PLXNA4: variants seen among roughly 807,000 people sequenced by gnomAD.
PLXNA4 encodes plexin-A4.
In PLXNA4, 44 loss-of-function variants were observed where a neutral mutation model predicts 191.8. That is an observed-to-expected ratio of 0.23 (90% CI 0.18 to 0.29). The LOEUF (loss-of-function observed/expected upper bound fraction) is 0.29. Ranked by LOEUF, PLXNA4 falls within the 10% of genes least tolerant of loss-of-function variation. The pLI, the probability that PLXNA4 is intolerant of heterozygous loss-of-function variation, is 1.00. For synonymous variants in PLXNA4, 1,082 were observed against 1,009.5 expected (o/e 1.07, Z -1.36); for missense variants, 1,800 against 2,488.8 (o/e 0.72, Z 5.89).
chr7:132,309,318 T>C (rs563000281), intron 3 of PLXNA4, among the ~76,000 whole-genome samples: 1 of 152,108 alleles, frequency 6.6e-6, no homozygotes, highest in South Asian at 2.1e-4. Context: ...CCAGGGAGGA[T>C]GGAGGGCAGA....
At chr7:132,198,355 A>T (rs1797318060) in intron 13 of PLXNA4, 130 bp downstream of exon 13, 21 of 1,333,126 alleles carry the variant, frequency 1.6e-5, no homozygotes, top group Non-Finnish European at 2.1e-5. Context: ...CCAACTCTAA[A>T]ATATTGGGGT....
intron 2 of PLXNA4, among the ~76,000 whole-genome samples, chr7:132,606,413 T>C (rs1046919148): frequency 2.0e-4 from 30 of 152,228 alleles, no homozygotes; most frequent in Admixed American, 2.0e-3. Context: ...TTGAGCAGGT[T>C]AGGGTAACAA....
intron 3 of PLXNA4, among the ~76,000 whole-genome samples, chr7:132,391,146 A>G (rs889270838): frequency 9.9e-5 from 15 of 152,176 alleles, no homozygotes; most frequent in Admixed American, 4.6e-4. Flanking sequence ...AGGAGGACGG[A>G]AGGGTACCAG....
intron 2 of PLXNA4, among the ~76,000 whole-genome samples, chr7:132,621,888 A>G (rs1471317666): frequency 1.3e-5 from 2 of 152,222 alleles, no homozygotes; most frequent in Admixed American, 1.3e-4. Flanking sequence ...TGGAAAGTCA[A>G]CTACATTGCT....
intron 9 of PLXNA4, among the ~76,000 whole-genome samples, chr7:132,212,424 C>T (rs1268172369): frequency 6.6e-6 from 1 of 152,174 alleles, no homozygotes; most frequent in Non-Finnish European, 1.5e-5. Context: ...GCGAGTTACA[C>T]CATAACAAGA....
At chr7:132,636,918 G>A (rs1803619881) in intron 2 of PLXNA4, among the ~76,000 whole-genome samples, 1 of 152,138 alleles carries the variant, frequency 6.6e-6, no homozygotes, top group Non-Finnish European at 1.5e-5. Flanking sequence ...TGCAGGAGGT[G>A]GGGAGGTGGG....
intron 2 of PLXNA4, among the ~76,000 whole-genome samples, chr7:132,596,875 A>AAC (rs1358594499): frequency 6.6e-6 from 1 of 151,750 alleles, no homozygotes; most frequent in Non-Finnish European, 1.5e-5. Flanking sequence ...GAAAAAAAAA[A>AAC]AAACAGCATG....
chr7:132,162,851 C>T (rs1261216725), intron 24 of PLXNA4, among the ~76,000 whole-genome samples: 1 of 152,088 alleles, frequency 6.6e-6, no homozygotes, highest in African/African-American at 2.4e-5. Context: ...TCACAGCCTT[C>T]CCAGCCAGCA....
rs548182765 is a variant in PLXNA4, at chr7:132,470,549, C to T, written c.1371+18743G>A. ...TCCACATCCTAATCCTCAGAACTTG[C>T]GAATAGGTTACCTAACATGGCAAAA... is the stretch of plus-strand genomic sequence containing the variant. On this transcript the variant is annotated intron_variant, in intron 3 of 31. Coordinates refer to ENST00000321063, the MANE Select transcript of PLXNA4 (RefSeq NM_020911.2). Among the ~76,000 whole-genome samples, 5 of 152,208 alleles carry T rather than the reference C, an allele frequency of 3.3e-5. No homozygotes were observed. In the South Asian group the frequency reaches 6.2e-4, roughly 19 times the overall value.
At position 132,471,802 on chromosome 7, in the gene PLXNA4, C is replaced by T. The variant is rs533052010; in HGVS notation, c.1371+17490G>A. On this transcript the variant is annotated intron_variant, in intron 3 of 31. Coordinates refer to ENST00000321063, the MANE Select transcript of PLXNA4 (RefSeq NM_020911.2). ...ACATATGGACTTGTAAAACACCAGC[C>T]ACCTCGCTTTCCATACCAAACAACA... Among the ~76,000 whole-genome samples the T allele has an allele frequency of 3.3e-5, 5 of 152,278 alleles. No homozygotes were observed. In the South Asian group the frequency reaches 6.2e-4, roughly 19 times the overall value.
intron 2 of PLXNA4, among the ~76,000 whole-genome samples, chr7:132,503,225 G>C (rs1313243074): frequency 6.6e-6 from 1 of 152,142 alleles, no homozygotes; most frequent in Non-Finnish European, 1.5e-5. Context: ...CCTCCACTGT[G>C]TGGGCTCCTG....
chr7:132,376,182 T>C (rs898463931), intron 3 of PLXNA4, among the ~76,000 whole-genome samples: 1 of 152,098 alleles, frequency 6.6e-6, no homozygotes, highest in African/African-American at 2.4e-5. Context: ...TGTGAAAAGG[T>C]CTCATCAATC....
intron 3 of PLXNA4, among the ~76,000 whole-genome samples, chr7:132,425,825 C>T (rs191554855): frequency 2.0e-5 from 3 of 152,286 alleles, no homozygotes; most frequent in East Asian, 1.9e-4. Flanking sequence ...GAGGTGGGGG[C>T]GGGAGCTGGG....
At chr7:132,203,900 T>A (rs943260160) in intron 10 of PLXNA4, among the ~76,000 whole-genome samples, 1 of 152,130 alleles carries the variant, frequency 6.6e-6, no homozygotes, top group African/African-American at 2.4e-5. Flanking sequence ...GTGGATGCTT[T>A]ACCAAAGACC....
In PLXNA4 at chr7:132,173,396, A is replaced by C. The variant is rs568024983; in HGVS notation, c.4017+1382T>G. 2.0e-4 allele frequency among the ~76,000 whole-genome samples: 31 copies of C among 152,276 alleles called. No individual in the cohort carries two copies. In the South Asian group the frequency reaches 5.8e-3, roughly 29 times the overall value. ...ATGCATGCACACATACACGCACACA[A>C]ACACACATATAGACAGAGAGAAAAG... On this transcript the variant is annotated intron_variant, in intron 21 of 31. Coordinates refer to ENST00000321063, the MANE Select transcript of PLXNA4 (RefSeq NM_020911.2).
intron 1 of PLXNA4, among the ~76,000 whole-genome samples, chr7:132,571,390 C>T (rs1271996998): frequency 6.6e-6 from 1 of 152,208 alleles, no homozygotes; most frequent in African/African-American, 2.4e-5. Context: ...TCCGTTGGCA[C>T]CAACATGCGA....
At chr7:132,582,310 C>T (rs577349647) in intron 2 of PLXNA4, among the ~76,000 whole-genome samples, 2 of 152,272 alleles carry the variant, frequency 1.3e-5, no homozygotes, top group South Asian at 2.1e-4. Flanking sequence ...GGGTTGAATG[C>T]TCTTGCCTGG....
At chr7:132,415,330 T>G (rs1563085942) in intron 3 of PLXNA4, among the ~76,000 whole-genome samples, 1 of 152,190 alleles carries the variant, frequency 6.6e-6, no homozygotes, top group Non-Finnish European at 1.5e-5. Context: ...CTGTCTGCTT[T>G]ATAAGACGTG....
chr7:132,347,832 CT>C (rs1358594314), intron 3 of PLXNA4, among the ~76,000 whole-genome samples: 1 of 152,164 alleles, frequency 6.6e-6, no homozygotes, highest in Non-Finnish European at 1.5e-5. Flanking sequence ...TCCTTCTCCC[CT>C]TTTATACAGT....
Sources: gnomAD v4.1 joint callset for allele counts (sites outside exome capture counted in the v4.1 genomes callset) on GRCh38, gnomAD v4.1.1 for gene constraint, MANE v1.5 for transcripts, NCBI Gene and HGNC (gene_info 2026-07-23, HGNC 2026-07-21) for gene names.